The following XYLB variants were observed in gnomAD, a reference collection of about 807,000 sequenced individuals.
XYLB encodes the protein xylulokinase.
A neutral mutation model predicts 78.7 loss-of-function variants in XYLB; 62 were observed. The observed-to-expected ratio is 0.79, with a 90% CI of 0.64 to 0.97. The LOEUF is 0.97. Among genes scored for constraint, XYLB ranks in the 50% least tolerant of loss-of-function variants. The probability of loss-of-function intolerance (pLI) is 0.00; values close to 1 mark genes in which losing one functional copy is unlikely to be tolerated. For missense variants in XYLB, 687 were observed against 676.8 expected, an observed-to-expected ratio of 1.02 and a Z score of -0.17; for synonymous variants, 245 against 247.4, an observed-to-expected ratio of 0.99 and a Z score of 0.09.
At chr3:38,448,969 T>C in the XYLB span, among the ~76,000 whole-genome samples, 1 of 152,192 alleles carries the variant, frequency 6.6e-6, no homozygotes, top group African/African-American at 2.4e-5. Context: ...CTTTTGTTGC[T>C]ATTAGTAGTT....
intron 18 of XYLB, among the ~76,000 whole-genome samples, chr3:38,411,223 C>T (rs1338819157): frequency 6.6e-6 from 1 of 152,130 alleles, no homozygotes; most frequent in African/African-American, 2.4e-5. Context: ...ATTTCATGTC[C>T]TTTGTAGGGA....
chr3:38,436,257 G>A, the XYLB span, among the ~76,000 whole-genome samples: 96 of 152,120 alleles, frequency 6.3e-4, no homozygotes, highest in African/African-American at 2.2e-3. Context: ...CTGGTAACAC[G>A]AAAATATAAG....
the XYLB span, among the ~76,000 whole-genome samples, chr3:38,431,004 G>T: frequency 1.3e-5 from 2 of 152,170 alleles, no homozygotes; most frequent in Non-Finnish European, 2.9e-5. Context: ...CTCCAGCTTT[G>T]TTCTTTTTGC....
chr3:38,372,305 T>A, intron 9 of XYLB: 1 of 831,678 alleles, frequency 1.2e-6, no homozygotes, highest in African/African-American at 1.8e-5. Context: ...ACTGGTGTCC[T>A]GTTACCTTTT....
the XYLB span, among the ~76,000 whole-genome samples, chr3:38,436,560 C>G: frequency 6.6e-6 from 1 of 152,158 alleles, no homozygotes; most frequent in Non-Finnish European, 1.5e-5. Flanking sequence ...TTCTCCCTAA[C>G]TCATTCTATG....
intron 15 of XYLB, among the ~76,000 whole-genome samples, chr3:38,390,050 A>G (rs1559604546): frequency 1.3e-5 from 2 of 152,236 alleles, no homozygotes; most frequent in African/African-American, 2.4e-5. Context: ...CAATTTTTTG[A>G]TAGCTTCAAG....
chr3:38,424,532 G>A (rs746105388), downstream of XYLB, among the ~76,000 whole-genome samples: 27 of 152,082 alleles, frequency 1.8e-4, no homozygotes, highest in Non-Finnish European at 2.8e-4. Context: ...AAATTTAAAC[G>A]AATTGAAGGT....
chr3:38,419,690 C>T (rs1239402453), downstream of XYLB, among the ~76,000 whole-genome samples: 1 of 147,392 alleles, frequency 6.8e-6, no homozygotes, highest in African/African-American at 2.5e-5. Context: ...AAGCACTTTT[C>T]ATGTTCTTAT....
At chr3:38,410,701 C>G (rs1218702429) in intron 18 of XYLB, among the ~76,000 whole-genome samples, 1 of 144,112 alleles carries the variant, frequency 6.9e-6, no homozygotes, top group Non-Finnish European at 1.5e-5. Flanking sequence ...AAAAACAACC[C>G]CATCAAAAAG....
intron 2 of XYLB, among the ~76,000 whole-genome samples, chr3:38,353,617 G>A (rs1022847843): frequency 4.5e-4 from 68 of 152,072 alleles, no homozygotes; most frequent in African/African-American, 1.5e-3. Flanking sequence ...AGCCTCAACC[G>A]GGTTTTTAGA....
chr3:38,372,886 G>A (rs976718417), intron 10 of XYLB, 150 bp downstream of exon 10: 2 of 868,368 alleles, frequency 2.3e-6, no homozygotes, highest in Non-Finnish European at 3.6e-6. Context: ...TTCCAGTCCA[G>A]CCTCTTGGTG....
chr3:38,375,149 C>T lies in XYLB; in HGVS notation c.894C>T (p.Ser298=), dbSNP rs1230332376. 1 of 1,613,624 alleles carries T rather than the reference C, an allele frequency of 6.2e-7. No homozygotes were observed. The highest frequency in any genetic ancestry group is 2.2e-5 in the East Asian group (1 of 44,832). The part of the protein sequence containing the change: ...MRLEEGDIAV[S]LGTSDTLFLW... Reference sequence around the variant, plus strand: ...CTCTGCCTATCTCTCCTCAGGTCAGCCTGGGCACCAGTGACACCCTGTTTC... The same window carrying T: ...CTCTGCCTATCTCTCCTCAGGTCAGTCTGGGCACCAGTGACACCCTGTTTC... The change falls in exon 12 of 19, where the codon AGC becomes AGT. Residue 298 remains serine (S), a synonymous_variant. Transcript: ENST00000207870.
intron 5 of XYLB, 67 bp downstream of exon 5, chr3:38,365,352 A>G: frequency 6.5e-7 from 1 of 1,535,276 alleles, no homozygotes; most frequent in Non-Finnish European, 9.0e-7. Context: ...TGGGTCCTGA[A>G]GCCTGCTCAT....
chr3:38,405,838 G>A (rs1247328606), intron 18 of XYLB, among the ~76,000 whole-genome samples: 2 of 152,218 alleles, frequency 1.3e-5, no homozygotes, highest in South Asian at 4.1e-4. Context: ...GGGGAGGGGC[G>A]CCTGCCATTG....
intron 15 of XYLB, among the ~76,000 whole-genome samples, 189 bp downstream of exon 15, chr3:38,379,531 A>G (rs1458863727): frequency 1.3e-5 from 2 of 152,182 alleles, no homozygotes; most frequent in African/African-American, 4.8e-5. Context: ...GCAAGCATAG[A>G]ATAGCAGACA....
At chr3:38,392,767 A>T (rs1355121686) in intron 15 of XYLB, among the ~76,000 whole-genome samples, 5 of 152,136 alleles carry the variant, frequency 3.3e-5, no homozygotes, top group African/African-American at 1.2e-4. Flanking sequence ...TGTGTTGCAG[A>T]TATCTCTCAT....
chr3:38,372,037 G>A (rs894356308), intron 9 of XYLB, among the ~76,000 whole-genome samples: 1 of 152,200 alleles, frequency 6.6e-6, no homozygotes, highest in African/African-American at 2.4e-5. Context: ...CTTGAGGATC[G>A]GGAAAGAACT....
chr3:38,419,915 G>T (rs548628273), downstream of XYLB, among the ~76,000 whole-genome samples: 15 of 152,114 alleles, frequency 9.9e-5, no homozygotes, highest in South Asian at 3.1e-3. Context: ...TGCCTCCTGG[G>T]TTCAAGCAAT....
At chr3:38,416,615 T>TA (rs200532858), downstream of XYLB, among the ~76,000 whole-genome samples, 1,041 of 149,592 alleles carry the variant, frequency 7.0e-3, 14 homozygotes, top group African/African-American at 0.024. Context: ...CAGGAGAGGC[T>TA]AAAAAAAAAG....
Sources: allele counts gnomAD v4.1 joint callset (sites outside exome capture counted in the v4.1 genomes callset), GRCh38; gene constraint gnomAD v4.1.1; transcripts MANE v1.5; gene names NCBI Gene and HGNC (gene_info 2026-07-23, HGNC 2026-07-21).